RGL1: variants seen among roughly 807,000 people sequenced by gnomAD.
RGL1 encodes the protein ral guanine nucleotide dissociation stimulator-like 1.
Under a neutral mutation model 95.2 loss-of-function variants are expected in RGL1, and 24 were observed. The ratio of observed to expected loss-of-function variants is 0.25; its 90% CI spans 0.18 to 0.35. The LOEUF (loss-of-function observed/expected upper bound fraction) is 0.35, where lower values mean the gene tolerates loss of function less well. Among genes scored for constraint, RGL1 ranks in the 10% least tolerant of loss-of-function variants. RGL1 has a pLI of 1.00. For synonymous variants in RGL1, 329 were observed against 344.9 expected (o/e 0.95, Z 0.51); for missense variants, 715 against 936.3 (o/e 0.76, Z 3.08).
At chr1:183,739,806 G>A (rs1445709606) in intron 1 of RGL1, among the ~76,000 whole-genome samples, 1 of 152,156 alleles carries the variant, frequency 6.6e-6, no homozygotes, top group Non-Finnish European at 1.5e-5. Flanking sequence ...AGCAATCTGT[G>A]GGAAGTCAGT....
intron 16 of RGL1, among the ~76,000 whole-genome samples, chr1:183,918,527 G>C (rs1669124651): frequency 6.6e-6 from 1 of 152,184 alleles, no homozygotes; most frequent in Non-Finnish European, 1.5e-5. Flanking sequence ...TATGTTTTGG[G>C]ACATGCCTGG....
intron 1 of RGL1, among the ~76,000 whole-genome samples, chr1:183,674,355 AC>A (rs1441976756): frequency 6.6e-6 from 1 of 152,224 alleles, no homozygotes; most frequent in African/African-American, 2.4e-5. Flanking sequence ...GAAGAAGGAT[AC>A]CCTTTACAGT....
At chr1:183,795,104 A>G (rs188702963) in intron 2 of RGL1, among the ~76,000 whole-genome samples, 1 of 152,320 alleles carries the variant, frequency 6.6e-6, no homozygotes, top group Non-Finnish European at 1.5e-5. Flanking sequence ...CCTGGGCTCA[A>G]GTGATCCTCC....
At chr1:183,741,511 T>C (rs1378506032) in intron 1 of RGL1, among the ~76,000 whole-genome samples, 2 of 152,210 alleles carry the variant, frequency 1.3e-5, no homozygotes, top group African/African-American at 4.8e-5. Context: ...AAAGGGATCT[T>C]CCTCTGCCTT....
At chr1:183,785,394 C>G (rs1391954622) in intron 2 of RGL1, among the ~76,000 whole-genome samples, 1 of 152,166 alleles carries the variant, frequency 6.6e-6, no homozygotes, top group East Asian at 1.9e-4. Context: ...CTATTAAGGT[C>G]TCAGCTGTAG....
At chr1:183,885,742 G>A (rs919439381) in intron 7 of RGL1, among the ~76,000 whole-genome samples, 5 of 152,142 alleles carry the variant, frequency 3.3e-5, no homozygotes, top group Admixed American at 1.3e-4. Flanking sequence ...GCAGGAACCC[G>A]TACACAAACA....
At chr1:183,759,539 T>C (rs1401915965) in intron 2 of RGL1, among the ~76,000 whole-genome samples, 1 of 152,224 alleles carries the variant, frequency 6.6e-6, no homozygotes, top group Non-Finnish European at 1.5e-5. Context: ...CTCTCCCAGT[T>C]GTAAAGTTTT....
At chr1:183,740,557 C>G (rs6658871) in intron 1 of RGL1, among the ~76,000 whole-genome samples, 69,348 of 152,038 alleles carry the variant, frequency 0.46, 16,924 homozygotes, top group East Asian at 0.8. Context: ...GTGAGCATAA[C>G]ACCTGTGTTT....
intron 1 of RGL1, among the ~76,000 whole-genome samples, chr1:183,686,430 A>AT (rs1434344084): frequency 2.6e-5 from 2 of 78,000 alleles, no homozygotes; most frequent in African/African-American, 1.1e-4. Context: ...TGCTGACAAT[A>AT]TGTTTTTTTT....
At chr1:183,692,277 C>T (rs946125735) in intron 1 of RGL1, among the ~76,000 whole-genome samples, 3 of 152,140 alleles carry the variant, frequency 2.0e-5, no homozygotes, top group African/African-American at 4.8e-5. Flanking sequence ...GTCTTGGGGC[C>T]GAAGGCTGGA....
At chr1:183,822,034 G>A (rs982498506) in intron 2 of RGL1, among the ~76,000 whole-genome samples, 1 of 152,194 alleles carries the variant, frequency 6.6e-6, no homozygotes, top group African/African-American at 2.4e-5. Context: ...ATGTAGGGGT[G>A]GTCACCAGAG....
intron 8 of RGL1, among the ~76,000 whole-genome samples, chr1:183,890,561 A>C (rs940370520): frequency 6.6e-6 from 1 of 152,210 alleles, no homozygotes; most frequent in Non-Finnish European, 1.5e-5. Context: ...CCATTGCTAA[A>C]TTCAAGGAAC....
chr1:183,787,715 T>A (rs1354893018), intron 2 of RGL1, among the ~76,000 whole-genome samples: 1 of 152,004 alleles, frequency 6.6e-6, no homozygotes, highest in Non-Finnish European at 1.5e-5. Flanking sequence ...AGGGGGTGTT[T>A]GGGTCATGGG....
chr1:183,893,301 T>C (rs1485260961), intron 9 of RGL1, among the ~76,000 whole-genome samples: 1 of 152,240 alleles, frequency 6.6e-6, no homozygotes, highest in Non-Finnish European at 1.5e-5. Flanking sequence ...GTGATTCTTA[T>C]CCTTAATCTC....
At chr1:183,832,865 A>C (rs951594150) in intron 2 of RGL1, among the ~76,000 whole-genome samples, 5 of 152,178 alleles carry the variant, frequency 3.3e-5, no homozygotes, top group Non-Finnish European at 5.9e-5. Flanking sequence ...GTTTATAAGG[A>C]AAAGGTACAG....
In RGL1 at chr1:183,642,355, G is replaced by T. The variant is rs572318348; in HGVS notation, c.-33+5854G>T. 2.6e-5 allele frequency among the ~76,000 whole-genome samples: 4 copies of T among 152,286 alleles called. No individual in the cohort carries two copies. In the South Asian group the frequency reaches 6.2e-4, roughly 24 times the overall value. Reference sequence around the variant, plus strand: ...AATGAGTAAACTAAAGCTCAGAGAGGTTATATAATTTGGCCAATGATATTC... The same window carrying T: ...AATGAGTAAACTAAAGCTCAGAGAGTTTATATAATTTGGCCAATGATATTC... On this transcript the variant is annotated intron_variant, in intron 1 of 18. Coordinates refer to the RGL1 transcript ENST00000304685.
chr1:183,735,964 T>C (rs1572347725), intron 1 of RGL1, among the ~76,000 whole-genome samples: 1 of 152,198 alleles, frequency 6.6e-6, no homozygotes. Context: ...GATATCACAA[T>C]AGCAATCATG....
Position 183,922,275 on chromosome 1 carries a change from C to T in RGL1, c.2058C>T (p.His686=). ...TGATCCAGAGAGCCATGCTGAAGCA[C>T]AATCTGGACTCAGACCCCGCCGAGG... is the stretch of plus-strand genomic sequence containing the variant. ...PAVIQRAMLK[H]NLDSDPAEEY... is the part of the protein sequence containing the mutation. Residue 686 remains histidine, a synonymous_variant, in exon 17 of 18, where the codon CAC becomes CAT. Coordinates refer to ENST00000360851, the MANE Select transcript of RGL1 (RefSeq NM_001297671.3). The T allele has an allele frequency of 6.2e-7, 1 of 1,614,130 alleles. No homozygotes were observed.
chr1:183,870,814 T>G (rs1666138718), intron 4 of RGL1, among the ~76,000 whole-genome samples: 2 of 152,188 alleles, frequency 1.3e-5, no homozygotes. Context: ...TATTTGGAAA[T>G]TTCTCTATTT....
Sources: allele counts gnomAD v4.1 joint callset (sites outside exome capture counted in the v4.1 genomes callset), GRCh38; gene constraint gnomAD v4.1.1; transcripts MANE v1.5; gene names NCBI Gene and HGNC (gene_info 2026-07-23, HGNC 2026-07-21).